SLC22A24: variants seen among roughly 807,000 people sequenced by gnomAD.
The protein encoded by SLC22A24 is steroid transmembrane transporter SLC22A24.
A neutral mutation model predicts 49.8 loss-of-function variants in SLC22A24; 53 were observed. That is an observed-to-expected ratio of 1.06 (90% confidence interval 0.85 to 1.34). The LOEUF (loss-of-function observed/expected upper bound fraction) is 1.34, where lower values mean the gene tolerates loss of function less well. Among genes scored for constraint, SLC22A24 ranks in the 40% most tolerant of loss-of-function variants. The pLI is 0.00. For missense variants in SLC22A24, 786 were observed against 675.9 expected (o/e 1.16, Z -1.81); for synonymous variants, 302 against 256.4 (o/e 1.18, Z -1.70).
chr11:63,081,761 T>C, intron 7 of SLC22A24, 95 bp from the exon 8 acceptor site: 1 of 801,714 alleles, frequency 1.2e-6, no homozygotes, highest in Non-Finnish European at 2.1e-6. Context: ...AATTTGCAAG[T>C]GTGAAATATG....
At chr11:63,143,095 G>T (rs2087426739) in intron 1 of SLC22A24, among the ~76,000 whole-genome samples, 1 of 152,078 alleles carries the variant, frequency 6.6e-6, no homozygotes, top group Non-Finnish European at 1.5e-5. Flanking sequence ...GATTGTAATG[G>T]TTCCTATTTT....
intron 6 of SLC22A24, 30 bp from the exon 7 acceptor site, chr11:63,083,487 T>C: frequency 1.3e-6 from 2 of 1,498,220 alleles, no homozygotes; most frequent in East Asian, 2.5e-5. Flanking sequence ...CAAAGACATA[T>C]TCAATAAGAT....
At chr11:63,130,248 C>A (rs2087324075) in intron 2 of SLC22A24, among the ~76,000 whole-genome samples, 1 of 152,104 alleles carries the variant, frequency 6.6e-6, no homozygotes, top group African/African-American at 2.4e-5. Flanking sequence ...TGGTTTTTGT[C>A]ATTGGTTCTG....
chr11:63,129,987 C>A (rs192597894), intron 2 of SLC22A24, among the ~76,000 whole-genome samples: 8 of 152,272 alleles, frequency 5.3e-5, no homozygotes. Flanking sequence ...TGCCTGATTG[C>A]CGTGGCCAGA....
intron 6 of SLC22A24, among the ~76,000 whole-genome samples, 156 bp downstream of exon 6, chr11:63,095,831 GCTAT>G (rs1315020132): frequency 6.6e-6 from 1 of 152,078 alleles, no homozygotes; most frequent in Non-Finnish European, 1.5e-5. Flanking sequence ...ATAATATTAG[GCTAT>G]CTAAAAATGT....
chr11:63,083,135 G>T, intron 7 of SLC22A24, 108 bp downstream of exon 7: 2 of 832,932 alleles, frequency 2.4e-6, no homozygotes, highest in Non-Finnish European at 3.8e-6. Flanking sequence ...GGAATCTTTT[G>T]GCTGTCAAGG....
intron 5 of SLC22A24, among the ~76,000 whole-genome samples, chr11:63,098,206 A>G (rs916663440): frequency 3.3e-5 from 5 of 152,182 alleles, no homozygotes; most frequent in African/African-American, 7.2e-5. Flanking sequence ...AAATTAAACA[A>G]TATGTTCCTG....
At position 63,079,978 on chromosome 11, in the gene SLC22A24, T is replaced by G; in HGVS notation, c.1621A>C (p.Lys541Gln). The change falls in exon 10 of 10, where the codon AAG becomes CAG. Residue 541 changes from lysine to glutamine, a missense_variant. Transcript: ENST00000612278. The stretch of plus-strand genomic sequence containing the variant: ...ACTTTCATGCAAGTATCTTCCTGCT[T>G]TATGTTTCTTGAATCTTTTCTGCTG... Reference protein sequence around the residue: ...ENDRKDSRNIKQEDTCMKVTQ... With the variant: ...ENDRKDSRNIQQEDTCMKVTQ... The G allele has an allele frequency of 6.5e-7, 1 of 1,545,142 alleles. No individual in the cohort carries two copies. The highest frequency in any genetic ancestry group is 2.4e-5 in the East Asian group (1 of 40,858).
rs1339881294 is a variant in SLC22A24, at chr11:63,143,527, G to T, written c.253C>A (p.Pro85Thr). 5.6e-6 allele frequency: 9 copies of T among 1,595,864 alleles called. No individual in the cohort carries two copies. Among genetic ancestry groups the T allele is most frequent in the Non-Finnish European group, 6.8e-6 (8 of 1,171,898 alleles). The change falls in exon 1 of 10, where the codon CCA (proline) becomes ACA (threonine). Residue 85 changes from proline to threonine, a missense_variant. Transcript: ENST00000612278. The part of the protein sequence containing the change: ...ISIPLDSNLR[P>T]QKCQRFIHPQ... ...TGGATAAAGCGCTGACACTTCTGTG[G>T]CCTCAGGTTTGAGTCCAGTGGGATG...
intron 4 of SLC22A24, among the ~76,000 whole-genome samples, chr11:63,115,647 C>A (rs527869254): frequency 6.6e-6 from 1 of 152,178 alleles, no homozygotes; most frequent in African/African-American, 2.4e-5. Context: ...TCTTCTGCAT[C>A]GATCACACTG....
At chr11:63,081,744 A>G (rs1304656076) in intron 7 of SLC22A24, 78 bp from the exon 8 acceptor site, 11 of 976,160 alleles carry the variant, frequency 1.1e-5, no homozygotes, top group African/African-American at 3.2e-5. Flanking sequence ...AAAGATTCTA[A>G]TGGAGGAATT....
chr11:63,131,597 A>G (rs1391080130), intron 2 of SLC22A24, among the ~76,000 whole-genome samples: 3 of 152,150 alleles, frequency 2.0e-5, no homozygotes, highest in Non-Finnish European at 4.4e-5. Flanking sequence ...AGAATGTTGA[A>G]TATTGGCCCC....
chr11:63,120,201 C>A (rs2087241521), intron 2 of SLC22A24, among the ~76,000 whole-genome samples: 1 of 149,934 alleles, frequency 6.7e-6, no homozygotes, highest in Non-Finnish European at 1.5e-5. Flanking sequence ...TTGCCCATGC[C>A]TATGTCCTGA....
intron 2 of SLC22A24, among the ~76,000 whole-genome samples, chr11:63,120,207 C>T (rs1233254671): frequency 6.7e-6 from 1 of 149,390 alleles, no homozygotes; most frequent in Non-Finnish European, 1.5e-5. Context: ...ATGCCTATGT[C>T]CTGAATGGTA....
In SLC22A24 at chr11:63,095,968, A is replaced by C. The variant is rs780297849; in HGVS notation, c.1070+23T>G. The C allele has an allele frequency of 6.8e-6, 10 of 1,479,472 alleles. No individual in the cohort carries two copies. The African/African-American group carries it at 1.3e-4, about 19-fold the overall frequency. 91.6% of individuals were successfully genotyped at this position (1,479,472 alleles called of 1,614,324 possible). On this transcript the variant is annotated intron_variant, in intron 6 of 9. Transcript: ENST00000612278. Reference sequence around the variant, plus strand: ...TTTGTGTCTCCAATATTTTAAAGTGAATCATCACCAAATGGAACTTACCTC... The same window carrying C: ...TTTGTGTCTCCAATATTTTAAAGTGCATCATCACCAAATGGAACTTACCTC...
chr11:63,109,341 T>C (rs1233067072), intron 4 of SLC22A24, among the ~76,000 whole-genome samples: 8 of 148,368 alleles, frequency 5.4e-5, no homozygotes, highest in African/African-American at 1.7e-4. Context: ...GCATGATTTA[T>C]AGTCCTTTGG....
chr11:63,130,376 G>C (rs1362848209), intron 2 of SLC22A24, among the ~76,000 whole-genome samples: 2 of 152,196 alleles, frequency 1.3e-5, no homozygotes, highest in Non-Finnish European at 2.9e-5. Flanking sequence ...GATTCGGTTT[G>C]CTAATATTTT....
chr11:63,113,727 G>A (rs1162309258), intron 4 of SLC22A24, among the ~76,000 whole-genome samples: 4 of 151,794 alleles, frequency 2.6e-5, no homozygotes, highest in Non-Finnish European at 5.9e-5. Context: ...AGTGGCACAT[G>A]CCTGTAGTCC....
At chr11:63,104,769 T>C (rs1291256015) in intron 4 of SLC22A24, among the ~76,000 whole-genome samples, 2 of 152,152 alleles carry the variant, frequency 1.3e-5, no homozygotes, top group Admixed American at 1.3e-4. Flanking sequence ...TATCGCCCAC[T>C]GGGTCCCTCA....
Sources: gnomAD v4.1 joint callset for allele counts (sites outside exome capture counted in the v4.1 genomes callset) on GRCh38, gnomAD v4.1.1 for gene constraint, MANE v1.5 for transcripts, NCBI Gene and HGNC (gene_info 2026-07-23, HGNC 2026-07-21) for gene names.